SDR16C5: variants seen among roughly 807,000 people sequenced by gnomAD.
SDR16C5 encodes short chain dehydrogenase/reductase family 16C member 5.
A neutral mutation model predicts 27.7 loss-of-function variants in SDR16C5; 20 were observed. That is an observed-to-expected ratio of 0.72 (90% CI 0.51 to 1.05). The LOEUF is 1.05. Ranked by LOEUF, SDR16C5 falls within the 50% of genes least tolerant of loss-of-function variation. SDR16C5 has a pLI of 0.00. For synonymous variants in SDR16C5, 139 were observed against 132.3 expected (o/e 1.05, Z -0.35); for missense variants, 374 against 366.3 (o/e 1.02, Z -0.17).
At chr8:56,307,222 A>T (rs573016484) in intron 4 of SDR16C5, among the ~76,000 whole-genome samples, 5 of 152,314 alleles carry the variant, frequency 3.3e-5, no homozygotes, top group African/African-American at 9.6e-5. Flanking sequence ...ATAGGAATCT[A>T]GGCAAGAGAG....
intron 2 of SDR16C5, among the ~76,000 whole-genome samples, chr8:56,312,580 C>G (rs1453847004): frequency 6.6e-5 from 10 of 152,012 alleles, no homozygotes; most frequent in Admixed American, 6.5e-4. Flanking sequence ...TGATGCGTGC[C>G]TCTAGCCCCA....
chr8:56,316,211 G>C lies in SDR16C5; in HGVS notation c.137C>G (p.Thr46Arg). ...KNVAGEIVLI[T>R]GAGSGLGRLL... ...CCTTCCGAGTCCACTTCCAGCACCT[G>C]TGATGAGGACTATTTCACCAGCAAC... is the stretch of plus-strand genomic sequence containing the variant. Residue 46 changes from threonine to arginine, a missense_variant, in exon 2 of 7, where the codon ACA (threonine) becomes AGA (arginine). Coordinates refer to ENST00000303749, the MANE Select transcript of SDR16C5 (RefSeq NM_138969.4). 2 of 1,614,136 alleles carry C rather than the reference G, an allele frequency of 1.2e-6. No homozygotes were observed. The highest frequency in any genetic ancestry group is 1.7e-6 in the Non-Finnish European group (2 of 1,179,978).
intron 3 of SDR16C5, among the ~76,000 whole-genome samples, chr8:56,311,340 G>A (rs775121889): frequency 7.9e-5 from 12 of 152,124 alleles, no homozygotes; most frequent in Non-Finnish European, 1.6e-4. Context: ...GCTTGAATCC[G>A]GGAGGTTGGA....
At chr8:56,307,207 G>A (rs1814908466) in intron 4 of SDR16C5, among the ~76,000 whole-genome samples, 1 of 152,130 alleles carries the variant, frequency 6.6e-6, no homozygotes, top group Non-Finnish European at 1.5e-5. Flanking sequence ...AAAACACTAA[G>A]TGATATAGGA....
chr8:56,317,475 T>G (rs75421219), intron 1 of SDR16C5, among the ~76,000 whole-genome samples: 1 of 152,198 alleles, frequency 6.6e-6, no homozygotes, highest in African/African-American at 2.4e-5. Context: ...GAAGACATAT[T>G]TAGCAGACAG....
chr8:56,309,133 A>G (rs1814961633), intron 3 of SDR16C5, 106 bp from the exon 4 acceptor site: 1 of 958,418 alleles, frequency 1.0e-6, no homozygotes, highest in Non-Finnish European at 1.4e-6. Flanking sequence ...TTCAGCCTGT[A>G]AAATATCTGA....
At chr8:56,317,531 T>C (rs1430016675) in intron 1 of SDR16C5, among the ~76,000 whole-genome samples, 4 of 152,158 alleles carry the variant, frequency 2.6e-5, no homozygotes, top group African/African-American at 4.8e-5. Context: ...GGGTGTTTAA[T>C]TGAGAGGCTC....
At chr8:56,305,800 G>T (rs1814868220) in intron 5 of SDR16C5, 78 bp from the exon 6 acceptor site, 2 of 1,440,466 alleles carry the variant, frequency 1.4e-6, no homozygotes, top group African/African-American at 2.9e-5. Flanking sequence ...TCAAATTAGG[G>T]ATAAAAGGTT....
intron 2 of SDR16C5, 106 bp downstream of exon 2, chr8:56,315,909 G>T (rs771622331): frequency 2.6e-6 from 2 of 759,094 alleles, no homozygotes; most frequent in Non-Finnish European, 4.5e-6. Flanking sequence ...CCATAATCTT[G>T]TTTACATTAA....
chr8:56,302,354 T>G (rs568006979), intron 6 of SDR16C5, among the ~76,000 whole-genome samples: 1 of 152,162 alleles, frequency 6.6e-6, no homozygotes, highest in Admixed American at 6.5e-5. Context: ...TGAGACTCCC[T>G]CCACCCACCA....
intron 3 of SDR16C5, chr8:56,309,687 G>A (rs1585912898): frequency 1.5e-6 from 1 of 658,124 alleles, no homozygotes; most frequent in East Asian, 1.4e-4. Context: ...GTGAGAAAAG[G>A]GATCTCTTAC....
intron 1 of SDR16C5, among the ~76,000 whole-genome samples, chr8:56,318,093 G>A (rs1397397613): frequency 3.3e-5 from 5 of 152,196 alleles, no homozygotes; most frequent in African/African-American, 9.7e-5. Flanking sequence ...GACCCTTTGA[G>A]TGGATATCCA....
chr8:56,310,770 G>C (rs949549937), intron 3 of SDR16C5, among the ~76,000 whole-genome samples: 1 of 151,616 alleles, frequency 6.6e-6, no homozygotes, highest in Non-Finnish European at 1.5e-5. Context: ...GACTTCCAGG[G>C]ACCATGGTCT....
At chr8:56,314,963 G>C (rs1404505659) in intron 2 of SDR16C5, among the ~76,000 whole-genome samples, 1 of 152,258 alleles carries the variant, frequency 6.6e-6, no homozygotes, top group East Asian at 1.9e-4. Flanking sequence ...AAAATCCTTA[G>C]GACGGGCACA....
At chr8:56,304,195 C>T (rs1814827636) in intron 6 of SDR16C5, 11 of 627,608 alleles carry the variant, frequency 1.8e-5, no homozygotes, top group South Asian at 1.6e-4. Flanking sequence ...TGGCTGCTGG[C>T]CATGTAGTGG....
intron 2 of SDR16C5, among the ~76,000 whole-genome samples, chr8:56,312,736 G>A (rs1815080595): frequency 6.6e-6 from 1 of 150,568 alleles, no homozygotes; most frequent in South Asian, 2.1e-4. Flanking sequence ...ATACAGGTTG[G>A]TTTATTTCCA....
Position 56,308,945 on chromosome 8 carries a change from C to A in SDR16C5, c.548G>T (p.Gly183Val), listed in dbSNP as rs1359164691. ...TTTCTTACCTGCCAGCCCATTTACTCCACTTAATCCAGCTGAACTTGAAAT... is the reference window on the plus strand; with the variant it reads ...TTTCTTACCTGCCAGCCCATTTACTACACTTAATCCAGCTGAACTTGAAAT... ...VCISSSAGLS[G>V]VNGLADYCAS... The change falls in exon 4 of 7, where the codon GGA becomes GTA. Residue 183 changes from glycine to valine, a missense_variant. Coordinates refer to ENST00000303749, the MANE Select transcript of SDR16C5 (RefSeq NM_138969.4). The A allele has an allele frequency of 6.2e-7, 1 of 1,610,658 alleles. No homozygotes were observed. Among genetic ancestry groups the A allele is most frequent in the Admixed American group, 1.7e-5 (1 of 59,416 alleles).
At chr8:56,313,602 A>G (rs893340361) in intron 2 of SDR16C5, among the ~76,000 whole-genome samples, 1 of 152,226 alleles carries the variant, frequency 6.6e-6, no homozygotes, top group Non-Finnish European at 1.5e-5. Flanking sequence ...GACAGTAAAA[A>G]TACTGTAATA....
At chr8:56,304,815 G>T (rs754119617) in intron 6 of SDR16C5, among the ~76,000 whole-genome samples, 118 of 152,214 alleles carry the variant, frequency 7.8e-4, no homozygotes, top group Admixed American at 3.2e-3. Flanking sequence ...TCCTGCCTCA[G>T]CCTCCTGACT....
Sources: gnomAD v4.1 joint callset for allele counts (sites outside exome capture counted in the v4.1 genomes callset) on GRCh38, gnomAD v4.1.1 for gene constraint, MANE v1.5 for transcripts, NCBI Gene and HGNC (gene_info 2026-07-23, HGNC 2026-07-21) for gene names.